The following UGT1A8 variants were observed in gnomAD, a reference collection of about 807,000 sequenced individuals.
The protein encoded by UGT1A8 is UDP glucuronosyltransferase family 1 member A8, also known as UDP-glucuronosyltransferase 1A8.
In UGT1A8, 39 loss-of-function variants were observed where a neutral mutation model predicts 45.3. The observed-to-expected ratio is 0.86, with a 90% confidence interval of 0.67 to 1.12. The LOEUF (loss-of-function observed/expected upper bound fraction) is 1.12, where lower values mean the gene tolerates loss of function less well. Ranked by LOEUF, UGT1A8 falls within the 50% of genes most tolerant of loss-of-function variation. The pLI, the probability that UGT1A8 is intolerant of heterozygous loss-of-function variation, is 0.00. For missense variants in UGT1A8, 719 were observed against 664.9 expected (o/e 1.08, Z -0.90); for synonymous variants, 275 against 249.2 (o/e 1.10, Z -0.97).
At chr2:233,714,867 TTCTA>T (rs1314617320) in intron 1 of UGT1A8, among the ~76,000 whole-genome samples, 2 of 151,200 alleles carry the variant, frequency 1.3e-5, no homozygotes, top group African/African-American at 4.9e-5. Flanking sequence ...AAAACTAAAA[TTCTA>T]TCTTTTAAAT....
At chr2:233,646,586 A>G (rs2073609557) in intron 1 of UGT1A8, among the ~76,000 whole-genome samples, 1 of 152,170 alleles carries the variant, frequency 6.6e-6, no homozygotes, top group South Asian at 2.1e-4. Context: ...AAGTTCCACA[A>G]ATCACTAGGT....
rs547114887 is a variant in UGT1A8, at chr2:233,686,395, G to A, written c.855+67833G>A. Among the ~76,000 whole-genome samples, 15 of 152,134 alleles carry A rather than the reference G, an allele frequency of 9.9e-5. No individual in the cohort carries two copies. The South Asian group carries it at 1.5e-3, about 15-fold the overall frequency. On this transcript the variant is annotated intron_variant, in intron 1 of 4. Transcript: ENST00000373450. Reference sequence around the variant, plus strand: ...GAATGAAAAGACAACTCGTGTGGGCGCCCTTATTAAGGTGTGCAGATAAAC... The same window carrying A: ...GAATGAAAAGACAACTCGTGTGGGCACCCTTATTAAGGTGTGCAGATAAAC...
intron 1 of UGT1A8, among the ~76,000 whole-genome samples, chr2:233,638,629 CCAGATGAAA>C: frequency 6.6e-6 from 1 of 152,078 alleles, no homozygotes; most frequent in Non-Finnish European, 1.5e-5. Flanking sequence ...GTTGCTAAAT[CCAGATGAAA>C]CACCTGGTGT....
chr2:233,693,429 G>A, intron 1 of UGT1A8: 2 of 1,614,166 alleles, frequency 1.2e-6, no homozygotes, highest in Non-Finnish European at 1.7e-6. Context: ...TTTAAGGAGA[G>A]CAAGTTTGAT....
chr2:233,772,380 C>T lies in UGT1A8; in HGVS notation c.1414C>T (p.Arg472Cys), dbSNP rs566674185. ...GAGGCACAAGGGCGCGCCACACCTGCGCCCCGCAGCCCACGACCTCACCTG... is the reference window on the plus strand; with the variant it reads ...GAGGCACAAGGGCGCGCCACACCTGTGCCCCGCAGCCCACGACCTCACCTG... ...VMRHKGAPHL[R>C]PAAHDLTWYQ... The change falls in exon 5 of 5, where the codon CGC becomes TGC. Residue 472 changes from arginine to cysteine, a missense_variant. Coordinates refer to ENST00000373450, the MANE Select transcript of UGT1A8 (RefSeq NM_019076.5). 5.6e-6 allele frequency: 9 copies of T among 1,614,144 alleles called. No homozygotes were observed. The highest frequency in any genetic ancestry group is 4.0e-5 in the African/African-American group (3 of 74,944).
intron 1 of UGT1A8, chr2:233,713,745 G>A: frequency 6.2e-7 from 1 of 1,613,988 alleles, no homozygotes; most frequent in Non-Finnish European, 8.5e-7. Context: ...TGTCAGCCAT[G>A]CATCTGTGTG....
At position 233,764,188 on chromosome 2, in the gene UGT1A8, A is replaced by G. The variant is rs1395608589; in HGVS notation, c.856-2846A>G. ...TCAGAACAGGGAAATTCTCTCATTCAGGGGCATCTCATCTTTTCTTTGAAG... is the reference window on the plus strand; with the variant it reads ...TCAGAACAGGGAAATTCTCTCATTCGGGGGCATCTCATCTTTTCTTTGAAG... On this transcript the variant is annotated intron_variant, in intron 1 of 4. Transcript: ENST00000373450. Among the ~76,000 whole-genome samples, 3 of 152,296 alleles carry G rather than the reference A, an allele frequency of 2.0e-5. No individual in the cohort carries two copies. The East Asian group carries it at 5.8e-4, about 29-fold the overall frequency.
intron 1 of UGT1A8, chr2:233,743,112 A>G (rs1313139997): frequency 1.1e-5 from 4 of 354,674 alleles, no homozygotes; most frequent in Non-Finnish European, 1.7e-5. Flanking sequence ...GCTGTTCTGA[A>G]AGTAAAGTTC....
intron 1 of UGT1A8, among the ~76,000 whole-genome samples, chr2:233,635,536 A>G (rs967186684): frequency 6.6e-6 from 1 of 150,866 alleles, no homozygotes; most frequent in Admixed American, 6.7e-5. Flanking sequence ...ATCCATGCCC[A>G]TGACCCAAAC....
At chr2:233,704,065 A>AT (rs1378377805) in intron 1 of UGT1A8, among the ~76,000 whole-genome samples, 22 of 151,732 alleles carry the variant, frequency 1.4e-4, no homozygotes, top group African/African-American at 5.1e-4. Flanking sequence ...TAATTTTTGT[A>AT]TTTTTTATAG....
At position 233,755,271 on chromosome 2, in the gene UGT1A8, C is replaced by T. The variant is rs549656252; in HGVS notation, c.856-11763C>T. ...CAGCACCTCGTAGTAGTCCACTATGCTGGACTGCCAAAGAGCCTGCGGGGC... is the reference window on the plus strand; with the variant it reads ...CAGCACCTCGTAGTAGTCCACTATGTTGGACTGCCAAAGAGCCTGCGGGGC... On this transcript the variant is annotated intron_variant, in intron 1 of 4. Transcript: ENST00000373450. The T allele has an allele frequency of 4.5e-5, 34 of 755,818 alleles. No individual in the cohort carries two copies. In the African/African-American group the frequency reaches 6.1e-4, roughly 13 times the overall value. 46.8% of individuals were successfully genotyped at this position (755,818 alleles called of 1,614,324 possible). A position where few individuals can be genotyped will look rare whatever the true frequency, so the allele number is the denominator to read the frequency against.
At chr2:233,691,665 G>C (rs1350130667) in intron 1 of UGT1A8, 10 of 981,466 alleles carry the variant, frequency 1.0e-5, no homozygotes, top group African/African-American at 1.8e-5. Flanking sequence ...CCCTTTCTGG[G>C]CCTCAGTTGA....
chr2:233,663,146 T>C (rs1268361938), intron 1 of UGT1A8, among the ~76,000 whole-genome samples: 1 of 152,058 alleles, frequency 6.6e-6, no homozygotes, highest in African/African-American at 2.4e-5. Context: ...CATTCCCCTC[T>C]CCTCCAAGCC....
At chr2:233,675,482 C>G (rs1406805769) in intron 1 of UGT1A8, among the ~76,000 whole-genome samples, 1 of 152,114 alleles carries the variant, frequency 6.6e-6, no homozygotes, top group Non-Finnish European at 1.5e-5. Context: ...AGGTGCGGCT[C>G]TGGGGGTGGG....
At chr2:233,637,605 G>C (rs567752356) in intron 1 of UGT1A8, among the ~76,000 whole-genome samples, 1 of 152,048 alleles carries the variant, frequency 6.6e-6, no homozygotes, top group Non-Finnish European at 1.5e-5. Context: ...TCATATTCAG[G>C]CTACATTTTA....
At chr2:233,767,965 C>CAAACCAG (rs1699532267) in intron 3 of UGT1A8, 29 bp downstream of exon 3, 1 of 1,613,980 alleles carries the variant, frequency 6.2e-7, no homozygotes, top group Admixed American at 1.7e-5. Flanking sequence ...ATGTATAGGT[C>CAAACCAG]AAACCAGGGT....
Position 233,773,232 on chromosome 2 carries a change from G to A in UGT1A8, c.*673G>A, listed in dbSNP as rs915315951. On this transcript the variant is annotated 3_prime_UTR_variant, in exon 5 of 5. Transcript: ENST00000373450. Reference sequence around the variant, plus strand: ...ACCCAAAATACAGCTATGAAGTGCTGGGCAAGTTTACTTTTTTTCTGATGT... The same window carrying A: ...ACCCAAAATACAGCTATGAAGTGCTAGGCAAGTTTACTTTTTTTCTGATGT... The A allele has an allele frequency of 1.3e-5, 2 of 152,202 alleles. No individual in the cohort carries two copies. Among genetic ancestry groups the A allele is most frequent in the East Asian group, 3.7e-4 (2 of 5,344 alleles). The allele number at this position is 152,202 out of a possible 1,614,324, so 9.4% of individuals were successfully genotyped here. A position where few individuals can be genotyped will look rare whatever the true frequency, so the allele number is the denominator to read the frequency against.
chr2:233,733,094 T>C (rs1220598340), intron 1 of UGT1A8, among the ~76,000 whole-genome samples: 7 of 152,326 alleles, frequency 4.6e-5, no homozygotes, highest in Non-Finnish European at 8.8e-5. Context: ...AGTTCACTCA[T>C]GGTTTGGCTC....
At chr2:233,622,035 C>T (rs2073017241) in intron 1 of UGT1A8, among the ~76,000 whole-genome samples, 1 of 152,190 alleles carries the variant, frequency 6.6e-6, no homozygotes, top group Non-Finnish European at 1.5e-5. Context: ...CCAACTTCAT[C>T]TATGTCCCTG....
Sources: gnomAD v4.1 joint callset for allele counts (sites outside exome capture counted in the v4.1 genomes callset) on GRCh38, gnomAD v4.1.1 for gene constraint, MANE v1.5 for transcripts, NCBI Gene and HGNC (gene_info 2026-07-23, HGNC 2026-07-21) for gene names.